The following NCOA2 variants were observed in gnomAD, a reference collection of about 807,000 sequenced individuals.
The protein encoded by NCOA2 is class E basic helix-loop-helix protein 75.
NCOA2 carries 21 observed loss-of-function variants against 145.1 expected under a neutral mutation model. That is an observed-to-expected ratio of 0.14 (90% CI 0.10 to 0.21). NCOA2 has a LOEUF of 0.21. Ranked by LOEUF, NCOA2 falls within the 10% of genes least tolerant of loss-of-function variation. The pLI is 1.00. For synonymous variants in NCOA2, 619 were observed against 637.5 expected (o/e 0.97, Z 0.44); for missense variants, 1,472 against 1,837.6 (o/e 0.80, Z 3.64).
chr8:70,171,675 T>C (rs1814272871), intron 5 of NCOA2, among the ~76,000 whole-genome samples: 1 of 152,210 alleles, frequency 6.6e-6, no homozygotes, highest in African/African-American at 2.4e-5. Context: ...CAATTTTATC[T>C]TTTTTGGAGA....
At chr8:70,224,774 TTATTA>T (rs1257712352) in intron 2 of NCOA2, among the ~76,000 whole-genome samples, 1 of 150,768 alleles carries the variant, frequency 6.6e-6, no homozygotes, top group Non-Finnish European at 1.5e-5. Context: ...TTTAATTAAT[TTATTA>T]TATTACATAT....
Position 70,156,283 on chromosome 8 carries a change from C to A in NCOA2, c.2082G>T (p.Leu694Phe). ...AGTCCACAGGGGAACTGCTGTCCTG[C>A]AAGAGTCTGTGCAAAATTTTATGCT... Reference protein sequence around the residue: ...KEKHKILHRLLQDSSSPVDLA... With the variant: ...KEKHKILHRLFQDSSSPVDLA... Residue 694 changes from leucine (L) to phenylalanine (F), a missense_variant, in exon 11 of 23, where the codon TTG becomes TTT. By Grantham distance (22) the Leu-to-Phe change is conservative (BLOSUM62 0). This residue lies in a region of NCOA2 where 953 missense variants were observed against 1,062.1 expected (regional missense o/e 0.90). Transcript: ENST00000452400. The A allele has an allele frequency of 6.2e-7, 1 of 1,613,926 alleles. No homozygotes were observed.
At chr8:70,441,818 A>C in the NCOA2 span, among the ~76,000 whole-genome samples, 1 of 144,114 alleles carries the variant, frequency 6.9e-6, no homozygotes, top group African/African-American at 2.7e-5. Context: ...GAAAGAAAGA[A>C]GAAAGAAGAA....
chr8:70,325,701 C>G (rs1563766081), intron 1 of NCOA2, among the ~76,000 whole-genome samples: 1 of 152,170 alleles, frequency 6.6e-6, no homozygotes, highest in African/African-American at 2.4e-5. Flanking sequence ...TCGTGCCTGG[C>G]TGAAAATAAC....
At chr8:70,124,598 C>G in intron 20 of NCOA2, 90 bp downstream of exon 20, 2 of 1,299,494 alleles carry the variant, frequency 1.5e-6, no homozygotes, top group Non-Finnish European at 2.1e-6. Flanking sequence ...TAAAAACAAA[C>G]AGAAAGCTCC....
At chr8:70,254,404 T>C (rs921117027) in intron 2 of NCOA2, among the ~76,000 whole-genome samples, 1 of 152,180 alleles carries the variant, frequency 6.6e-6, no homozygotes, top group Non-Finnish European at 1.5e-5. Flanking sequence ...GGGACTTGAA[T>C]AGATGTAAGA....
chr8:70,280,404 A>C (rs947346591), intron 2 of NCOA2, among the ~76,000 whole-genome samples: 2 of 152,210 alleles, frequency 1.3e-5, no homozygotes, highest in African/African-American at 4.8e-5. Flanking sequence ...TAGAGACGTA[A>C]GATAAATCAA....
At chr8:70,209,047 A>T (rs909985973) in intron 4 of NCOA2, among the ~76,000 whole-genome samples, 14 of 152,246 alleles carry the variant, frequency 9.2e-5, no homozygotes, top group Non-Finnish European at 7.3e-5. Flanking sequence ...ACCATTCTAG[A>T]TGCCATGAAG....
chr8:70,222,101 CA>C, intron 2 of NCOA2, among the ~76,000 whole-genome samples: 1 of 152,094 alleles, frequency 6.6e-6, no homozygotes, highest in Non-Finnish European at 1.5e-5. Flanking sequence ...TGTACAGAAT[CA>C]AAAAACTGTA....
At chr8:70,376,369 G>GCA (rs146722946) in intron 1 of NCOA2, among the ~76,000 whole-genome samples, 4,389 of 147,196 alleles carry the variant, frequency 0.03, 154 homozygotes, top group African/African-American at 0.092. Flanking sequence ...ACACACACAC[G>GCA]CACACACACA....
intron 2 of NCOA2, among the ~76,000 whole-genome samples, chr8:70,294,553 A>C (rs1444142021): frequency 6.6e-6 from 1 of 152,224 alleles, no homozygotes; most frequent in Non-Finnish European, 1.5e-5. Flanking sequence ...AGTTTGGAAT[A>C]ACAATTACAA....
chr8:70,172,036 G>A (rs1814313298), intron 5 of NCOA2, among the ~76,000 whole-genome samples: 1 of 152,072 alleles, frequency 6.6e-6, no homozygotes, highest in East Asian at 1.9e-4. Context: ...TGTTGCCCAA[G>A]CTGGTCTTGA....
intron 1 of NCOA2, among the ~76,000 whole-genome samples, chr8:70,305,777 G>A (rs72663976): frequency 0.038 from 5,840 of 152,222 alleles, 145 homozygotes; most frequent in South Asian, 0.1. Context: ...TGTATTATGC[G>A]ATTAAGTATG....
At chr8:70,249,605 G>A (rs965473756) in intron 2 of NCOA2, among the ~76,000 whole-genome samples, 1 of 152,088 alleles carries the variant, frequency 6.6e-6, no homozygotes, top group Non-Finnish European at 1.5e-5. Context: ...ATCAATTGAT[G>A]GTAGCCACCA....
At chr8:70,417,580 C>A in the NCOA2 span, among the ~76,000 whole-genome samples, 1 of 151,780 alleles carries the variant, frequency 6.6e-6, no homozygotes, top group Non-Finnish European at 1.5e-5. Flanking sequence ...AACAAACAAA[C>A]AAACAAAACT....
intron 1 of NCOA2, among the ~76,000 whole-genome samples, chr8:70,324,568 C>G (rs896331167): frequency 5.3e-5 from 8 of 152,046 alleles, no homozygotes; most frequent in African/African-American, 1.9e-4. Context: ...TCTCAAACTC[C>G]TGCCTCAAGC....
At chr8:70,212,686 G>T (rs1226785483) in intron 4 of NCOA2, among the ~76,000 whole-genome samples, 1 of 152,188 alleles carries the variant, frequency 6.6e-6, no homozygotes, top group Non-Finnish European at 1.5e-5. Context: ...TCAGGCTCAT[G>T]TATTATAAAG....
At chr8:70,251,141 TA>T (rs1452659648) in intron 2 of NCOA2, among the ~76,000 whole-genome samples, 3 of 152,086 alleles carry the variant, frequency 2.0e-5, no homozygotes, top group Non-Finnish European at 4.4e-5. Flanking sequence ...CCACTAACAT[TA>T]ACTAGAGAGT....
At chr8:70,255,802 G>A (rs1823588336) in intron 2 of NCOA2, among the ~76,000 whole-genome samples, 1 of 152,124 alleles carries the variant, frequency 6.6e-6, no homozygotes, top group South Asian at 2.1e-4. Flanking sequence ...CAGCACCAAG[G>A]TGAGAGTCGG....
Sources: allele counts gnomAD v4.1 joint callset (sites outside exome capture counted in the v4.1 genomes callset), GRCh38; gene constraint gnomAD v4.1.1; regional missense constraint gnomAD v4.1.1; transcripts MANE v1.5; gene names NCBI Gene and HGNC (gene_info 2026-07-23, HGNC 2026-07-21).